Variants in DAB1 observed in about 807,000 individuals in gnomAD.
DAB1 encodes the protein DAB adaptor protein 1.
In DAB1, 15 loss-of-function variants were observed where a neutral mutation model predicts 64.6. That is an observed-to-expected ratio of 0.23 (90% CI 0.16 to 0.36). DAB1 has a LOEUF of 0.36. Ranked by LOEUF, DAB1 falls within the 10% of genes least tolerant of loss-of-function variation. The pLI is 1.00. For synonymous variants in DAB1, 235 were observed against 251.9 expected (o/e 0.93, Z 0.64); for missense variants, 596 against 706.7 (o/e 0.84, Z 1.78).
chr1:58,447,924 C>T (rs1216491258), intron 3 of DAB1, among the ~76,000 whole-genome samples: 1 of 151,530 alleles, frequency 6.6e-6, no homozygotes. Context: ...GTTGATTAAG[C>T]GGCTTAACAG....
chr1:58,262,015 A>G (rs115618389), intron 4 of DAB1, among the ~76,000 whole-genome samples: 4,141 of 152,298 alleles, frequency 0.027, 85 homozygotes, highest in African/African-American at 0.049. Flanking sequence ...TTGAGTCTAT[A>G]TTCCCGTAGT....
At chr1:57,897,633 G>A (rs1644410937) in intron 5 of DAB1, among the ~76,000 whole-genome samples, 2 of 152,004 alleles carry the variant, frequency 1.3e-5, no homozygotes, top group Non-Finnish European at 2.9e-5. Context: ...CATCCCCCAG[G>A]GCCAATATTT....
chr1:57,588,342 G>C (rs1281510782), intron 7 of DAB1, among the ~76,000 whole-genome samples: 2 of 152,182 alleles, frequency 1.3e-5, no homozygotes, highest in African/African-American at 4.8e-5. Context: ...TCTCAGCACT[G>C]ATAACACTGT....
At chr1:57,073,486 C>T (rs1651697763) in intron 4 of DAB1, among the ~76,000 whole-genome samples, 1 of 152,154 alleles carries the variant, frequency 6.6e-6, no homozygotes, top group Non-Finnish European at 1.5e-5. Context: ...CGGTTATTTT[C>T]CTATACTAAA....
chr1:58,257,736 T>G lies in DAB1; in HGVS notation n.309+85616A>C, dbSNP rs1038087328. Among the ~76,000 whole-genome samples, 5 of 152,148 alleles carry G rather than the reference T, an allele frequency of 3.3e-5. No homozygotes were observed. In the East Asian group the frequency reaches 7.7e-4, roughly 23 times the overall value. ...TTCTAGGTGATTCTTTATAAACAAC[T>G]CTACAAAACAGACATTAGCCATCTA... On this transcript the variant is annotated intron_variant and non_coding_transcript_variant, in intron 4 of 20. Coordinates refer to the DAB1 transcript ENST00000485760.
At chr1:58,288,007 G>A (rs1280111044) in intron 4 of DAB1, among the ~76,000 whole-genome samples, 1 of 98,956 alleles carries the variant, frequency 1.0e-5, no homozygotes, top group Admixed American at 1.5e-4. Flanking sequence ...GGGTGACAGA[G>A]CAAGACTGCC....
At chr1:57,026,139 G>T in intron 9 of DAB1, 96 bp from the exon 10 acceptor site, 1 of 891,082 alleles carries the variant, frequency 1.1e-6, no homozygotes, top group Non-Finnish European at 1.8e-6. Flanking sequence ...ACACATTTCT[G>T]TTTTTCATCA....
intron 6 of DAB1, among the ~76,000 whole-genome samples, chr1:57,731,756 GATCAC>G (rs1441445389): frequency 6.6e-6 from 1 of 151,276 alleles, no homozygotes; most frequent in Non-Finnish European, 1.5e-5. Flanking sequence ...AGTAAGCCGA[GATCAC>G]ATCACTGCAC....
chr1:57,962,292 C>T (rs548950871), intron 5 of DAB1, among the ~76,000 whole-genome samples: 2 of 152,260 alleles, frequency 1.3e-5, no homozygotes, highest in Non-Finnish European at 2.9e-5. Flanking sequence ...TATATAACTT[C>T]TCAATAAACA....
chr1:57,845,248 T>A (rs1316592646), intron 1 of DAB1, among the ~76,000 whole-genome samples: 2 of 152,196 alleles, frequency 1.3e-5, no homozygotes, highest in Non-Finnish European at 2.9e-5. Flanking sequence ...TCTGACAACA[T>A]TCACAATCTG....
exon 2 of DAB1, chr1:58,527,306 T>C: frequency 1.1e-6 from 1 of 872,258 alleles, no homozygotes; most frequent in South Asian, 1.3e-5. Flanking sequence ...CGGCCTCCAA[T>C]TTTCTGCTGT....
At chr1:57,061,228 T>TGG (rs5774326) in intron 9 of DAB1, among the ~76,000 whole-genome samples, 1,278 of 114,616 alleles carry the variant, frequency 0.011, 18 homozygotes, top group Non-Finnish European at 0.015. Flanking sequence ...CATATTTAGA[T>TGG]GGGGGGGGGG....
chr1:58,204,072 A>T (rs1233482903), intron 4 of DAB1, among the ~76,000 whole-genome samples: 2 of 152,232 alleles, frequency 1.3e-5, no homozygotes, highest in Non-Finnish European at 2.9e-5. Flanking sequence ...CTGCCTGGCC[A>T]CAGAGCAAGC....
At chr1:57,759,845 C>T (rs1055388436) in intron 6 of DAB1, among the ~76,000 whole-genome samples, 3 of 152,032 alleles carry the variant, frequency 2.0e-5, no homozygotes, top group African/African-American at 7.3e-5. Context: ...AACTTACACG[C>T]AATTGTGCAG....
chr1:58,425,909 G>A (rs768638056), intron 3 of DAB1, among the ~76,000 whole-genome samples: 6 of 151,978 alleles, frequency 3.9e-5, no homozygotes, highest in Non-Finnish European at 8.8e-5. Context: ...GACACAAAGT[G>A]CGGGGTACAG....
At chr1:57,200,921 G>A (rs574209048) in intron 2 of DAB1, among the ~76,000 whole-genome samples, 1 of 152,184 alleles carries the variant, frequency 6.6e-6, no homozygotes, top group Non-Finnish European at 1.5e-5. Flanking sequence ...ATTCATTACA[G>A]GGTCCTTATT....
chr1:58,281,702 A>T (rs1661567645), intron 4 of DAB1, among the ~76,000 whole-genome samples: 1 of 152,160 alleles, frequency 6.6e-6, no homozygotes, highest in Admixed American at 6.5e-5. Context: ...GACCCAAGCT[A>T]CTTATACACT....
intron 3 of DAB1, among the ~76,000 whole-genome samples, chr1:58,470,787 T>C (rs1044382782): frequency 6.6e-6 from 1 of 152,164 alleles, no homozygotes; most frequent in Non-Finnish European, 1.5e-5. Flanking sequence ...AGCTGTCTTA[T>C]CTTTGCTTGA....
At chr1:58,140,372 T>G (rs1654215248) in intron 5 of DAB1, among the ~76,000 whole-genome samples, 1 of 152,190 alleles carries the variant, frequency 6.6e-6, no homozygotes, top group African/African-American at 2.4e-5. Context: ...GCTTGGCAAG[T>G]GCTGGCATTT....
Sources: allele counts gnomAD v4.1 joint callset (sites outside exome capture counted in the v4.1 genomes callset), GRCh38; gene constraint gnomAD v4.1.1; transcripts MANE v1.5; gene names NCBI Gene and HGNC (gene_info 2026-07-23, HGNC 2026-07-21).